The following BBS9 variants were observed in gnomAD, a reference collection of about 807,000 sequenced individuals.
BBS9 encodes the protein Bardet-Biedl syndrome 9.
Under a neutral mutation model 117.7 loss-of-function variants are expected in BBS9, and 89 were observed. The ratio of observed to expected loss-of-function variants is 0.76; its 90% CI spans 0.64 to 0.90. The LOEUF (loss-of-function observed/expected upper bound fraction) is 0.90. BBS9 is among the 40% of genes least tolerant of loss of function. The pLI is 0.00. For synonymous variants in BBS9, 379 were observed against 370.9 expected, an observed-to-expected ratio of 1.02 and a Z score of -0.25; for missense variants, 982 against 1,042.2, an observed-to-expected ratio of 0.94 and a Z score of 0.80.
At chr7:33,338,640 A>T (rs991887260) in intron 10 of BBS9, among the ~76,000 whole-genome samples, 2 of 152,152 alleles carry the variant, frequency 1.3e-5, no homozygotes, top group African/African-American at 4.8e-5. Flanking sequence ...AGCTGATTTT[A>T]TGTGTGTAAG....
intron 20 of BBS9, among the ~76,000 whole-genome samples, chr7:33,512,004 A>T (rs1162933991): frequency 6.6e-6 from 1 of 152,234 alleles, no homozygotes; most frequent in Non-Finnish European, 1.5e-5. Context: ...TGACTGTTAA[A>T]GTATCATCCC....
At chr7:33,243,119 A>G (rs1794804289) in intron 5 of BBS9, among the ~76,000 whole-genome samples, 1 of 152,182 alleles carries the variant, frequency 6.6e-6, no homozygotes, top group Non-Finnish European at 1.5e-5. Flanking sequence ...TGGTTCTGTT[A>G]ATTTCATTGG....
chr7:33,218,635 C>T (rs1347786342), intron 5 of BBS9, among the ~76,000 whole-genome samples: 3 of 152,208 alleles, frequency 2.0e-5, no homozygotes, highest in Non-Finnish European at 4.4e-5. Flanking sequence ...AAACTCTTTG[C>T]TAGGTGAGTT....
At chr7:33,244,122 C>G (rs148350700) in intron 5 of BBS9, among the ~76,000 whole-genome samples, 2,217 of 152,190 alleles carry the variant, frequency 0.015, 34 homozygotes, top group Non-Finnish European at 0.021. Flanking sequence ...CCCAGCTACT[C>G]AGGAGGCTGA....
chr7:33,536,238 C>T (rs1008098227), intron 21 of BBS9, among the ~76,000 whole-genome samples: 4 of 152,046 alleles, frequency 2.6e-5, no homozygotes, highest in Non-Finnish European at 5.9e-5. Flanking sequence ...GGGTCACAGT[C>T]GCAATGCCTT....
intron 5 of BBS9, among the ~76,000 whole-genome samples, chr7:33,249,483 C>T (rs1467689471): frequency 6.6e-6 from 1 of 151,594 alleles, no homozygotes; most frequent in African/African-American, 2.4e-5. Context: ...GCCTCTACCC[C>T]CCATCCCCAC....
At chr7:33,337,083 G>A (rs1344752448) in intron 10 of BBS9, among the ~76,000 whole-genome samples, 1 of 152,122 alleles carries the variant, frequency 6.6e-6, no homozygotes, top group Non-Finnish European at 1.5e-5. Flanking sequence ...CATAATTTAT[G>A]TTTGTAGTTA....
chr7:33,226,614 C>T (rs1161301546), intron 5 of BBS9, among the ~76,000 whole-genome samples: 1 of 152,016 alleles, frequency 6.6e-6, no homozygotes, highest in East Asian at 1.9e-4. Context: ...GCATTATTCA[C>T]AATAGCCAAA....
chr7:33,445,693 C>T (rs1222767725), intron 19 of BBS9, among the ~76,000 whole-genome samples: 2 of 152,132 alleles, frequency 1.3e-5, no homozygotes, highest in African/African-American at 4.8e-5. Context: ...TTGTAATCCC[C>T]ATAATCCCCA....
intron 5 of BBS9, among the ~76,000 whole-genome samples, chr7:33,226,228 G>T (rs1317891949): frequency 1.3e-5 from 2 of 152,110 alleles, no homozygotes; most frequent in South Asian, 4.1e-4. Flanking sequence ...CTATAGTGGA[G>T]ATTTTTTTTT....
rs927883019 is a variant in BBS9 at position 33,222,185 on chromosome 7, G to A, written c.443-35051G>A. On this transcript the variant is annotated intron_variant, in intron 5 of 22. Coordinates refer to ENST00000242067, the MANE Select transcript of BBS9 (RefSeq NM_198428.3). ...TCTGCCTAAGAAGTCAAAGTCTCAA[G>A]CATGTGACTGTTGATAGAAATGATA... Among the ~76,000 whole-genome samples, 24 of 152,122 alleles carry A rather than the reference G, an allele frequency of 1.6e-4. 1 individual carries two copies. Among genetic ancestry groups the A allele is most frequent in the Non-Finnish European group, 4.4e-5 (3 of 68,004 alleles).
At chr7:33,547,566 C>T (rs1215247096) in intron 21 of BBS9, among the ~76,000 whole-genome samples, 1 of 152,082 alleles carries the variant, frequency 6.6e-6, no homozygotes, top group Non-Finnish European at 1.5e-5. Context: ...TGAAGTCTAG[C>T]CACATAGGCT....
intron 21 of BBS9, among the ~76,000 whole-genome samples, chr7:33,597,841 C>CA (rs1245265648): frequency 1.8e-4 from 22 of 125,422 alleles, no homozygotes; most frequent in Non-Finnish European, 3.1e-4. Context: ...TTGATTCCAC[C>CA]AAAAAAATGG....
At chr7:33,361,092 C>A (rs1820534641) in intron 16 of BBS9, among the ~76,000 whole-genome samples, 1 of 152,022 alleles carries the variant, frequency 6.6e-6, no homozygotes, top group Non-Finnish European at 1.5e-5. Context: ...ACAAGATTCC[C>A]TAGGAAATTT....
intron 5 of BBS9, among the ~76,000 whole-genome samples, chr7:33,213,096 C>A (rs1788341811): frequency 6.6e-6 from 1 of 152,220 alleles, no homozygotes; most frequent in Non-Finnish European, 1.5e-5. Context: ...CCCTTCCCTT[C>A]AGGATGGCAA....
intron 21 of BBS9, among the ~76,000 whole-genome samples, chr7:33,573,382 T>G (rs1384889147): frequency 6.6e-6 from 1 of 152,126 alleles, no homozygotes; most frequent in African/African-American, 2.4e-5. Flanking sequence ...AGACTGCTTT[T>G]TTAACATCTA....
intron 21 of BBS9, among the ~76,000 whole-genome samples, chr7:33,631,086 A>G (rs972742070): frequency 2.6e-5 from 4 of 152,152 alleles, no homozygotes; most frequent in Non-Finnish European, 5.9e-5. Flanking sequence ...TTTGTTGGAA[A>G]GTGGGGAAAG....
intron 5 of BBS9, among the ~76,000 whole-genome samples, chr7:33,199,163 T>C (rs183696771): frequency 7.9e-5 from 12 of 152,076 alleles, no homozygotes; most frequent in Non-Finnish European, 1.6e-4. Flanking sequence ...ATTCATCCCT[T>C]ATTCTTTCTT....
At chr7:33,447,111 T>A (rs1254200963) in intron 19 of BBS9, among the ~76,000 whole-genome samples, 1 of 152,254 alleles carries the variant, frequency 6.6e-6, no homozygotes, top group Non-Finnish European at 1.5e-5. Context: ...TTGTGTTTCT[T>A]ACACATTATC....
Sources: allele counts gnomAD v4.1 joint callset (sites outside exome capture counted in the v4.1 genomes callset), GRCh38; gene constraint gnomAD v4.1.1; transcripts MANE v1.5; gene names NCBI Gene and HGNC (gene_info 2026-07-23, HGNC 2026-07-21).